The following GALNT14 variants were observed in gnomAD, a reference collection of about 807,000 sequenced individuals.
The protein encoded by GALNT14 is UDP-GalNAc:polypeptide N-acetylgalactosaminyltransferase 14.
A neutral mutation model predicts 77.5 loss-of-function variants in GALNT14; 60 were observed. That is an observed-to-expected ratio of 0.77 (90% CI 0.63 to 0.96). GALNT14 has a LOEUF of 0.96. GALNT14 is among the 40% of genes least tolerant of loss of function. The pLI is 0.00. For missense variants in GALNT14, 710 were observed against 731.0 expected, an observed-to-expected ratio of 0.97 and a Z score of 0.33; for synonymous variants, 280 against 281.7, an observed-to-expected ratio of 0.99 and a Z score of 0.06.
chr2:30,978,056 C>T (rs948347451), intron 2 of GALNT14, among the ~76,000 whole-genome samples: 3 of 152,212 alleles, frequency 2.0e-5, no homozygotes, highest in African/African-American at 4.8e-5. Flanking sequence ...GTTAAACCTT[C>T]ACCAGCATCT....
chr2:31,100,133 G>A (rs1314747835), intron 1 of GALNT14, among the ~76,000 whole-genome samples: 1 of 151,726 alleles, frequency 6.6e-6, no homozygotes, highest in Non-Finnish European at 1.5e-5. Context: ...TGTAAGTGAT[G>A]GCTCTTCCTC....
At chr2:31,087,114 A>G (rs888133253) in intron 1 of GALNT14, among the ~76,000 whole-genome samples, 2 of 152,194 alleles carry the variant, frequency 1.3e-5, no homozygotes, top group African/African-American at 4.8e-5. Context: ...GGCACCAGCC[A>G]TAAGAAAGGG....
At chr2:30,927,844 G>C (rs941919123) in intron 11 of GALNT14, among the ~76,000 whole-genome samples, 1 of 152,120 alleles carries the variant, frequency 6.6e-6, no homozygotes, top group African/African-American at 2.4e-5. Flanking sequence ...TGACGACCAC[G>C]GTGTATTATT....
intron 6 of GALNT14, among the ~76,000 whole-genome samples, chr2:30,955,250 T>C (rs1271341414): frequency 1.3e-5 from 2 of 152,186 alleles, no homozygotes; most frequent in Non-Finnish European, 2.9e-5. Flanking sequence ...TGCTGCCTCC[T>C]TTCTACAAAA....
At chr2:31,048,689 C>G (rs775036850) in intron 1 of GALNT14, among the ~76,000 whole-genome samples, 105 of 150,900 alleles carry the variant, frequency 7.0e-4, no homozygotes, top group Non-Finnish European at 1.3e-3. Flanking sequence ...GCTGAGCTGC[C>G]CATCAGAACC....
intron 1 of GALNT14, among the ~76,000 whole-genome samples, chr2:31,081,244 GC>G (rs1417562956): frequency 6.6e-6 from 1 of 152,208 alleles, no homozygotes; most frequent in Non-Finnish European, 1.5e-5. Flanking sequence ...CATACCAATA[GC>G]CGGCAGAAGT....
intron 1 of GALNT14, among the ~76,000 whole-genome samples, chr2:31,121,008 T>C (rs1678384511): frequency 6.6e-6 from 1 of 152,234 alleles, no homozygotes; most frequent in South Asian, 2.1e-4. Flanking sequence ...AAATAACATC[T>C]GCAAATCTGC....
intron 1 of GALNT14, among the ~76,000 whole-genome samples, chr2:31,013,714 G>A (rs1671177343): frequency 6.6e-6 from 1 of 152,148 alleles, no homozygotes; most frequent in Non-Finnish European, 1.5e-5. Flanking sequence ...TCTGGCCCAT[G>A]CTCTTTCTGT....
At chr2:31,109,995 A>G (rs750446339) in intron 1 of GALNT14, among the ~76,000 whole-genome samples, 4 of 152,056 alleles carry the variant, frequency 2.6e-5, no homozygotes, top group Non-Finnish European at 5.9e-5. Context: ...CACAGTCCCC[A>G]CTCTCTGCTG....
In GALNT14 at chr2:31,119,931, C is replaced by T. The variant is rs957896884; in HGVS notation, c.129+18027G>A. On this transcript the variant is annotated intron_variant, in intron 1 of 14. Transcript: ENST00000349752. ...CAGCACTTTGGGAGGCCGAGGCGGG[C>T]GGATCACGAGGTCAGGAGATCGAGA... 8.0e-5 allele frequency among the ~76,000 whole-genome samples: 6 copies of T among 75,030 alleles called. 1 individual carries two copies. Among genetic ancestry groups the T allele is most frequent in the East Asian group, 3.0e-4 (1 of 3,352 alleles). The allele number at this position is 75,030 out of a possible 152,430, so 49.2% of individuals were successfully genotyped here.
At chr2:31,063,394 C>A (rs1674727754) in intron 1 of GALNT14, among the ~76,000 whole-genome samples, 1 of 151,976 alleles carries the variant, frequency 6.6e-6, no homozygotes, top group Non-Finnish European at 1.5e-5. Flanking sequence ...ATTTACGTGG[C>A]CTCTATTCTG....
chr2:31,127,289 C>T (rs779942972), intron 1 of GALNT14, among the ~76,000 whole-genome samples: 14 of 152,248 alleles, frequency 9.2e-5, no homozygotes, highest in East Asian at 1.9e-4. Context: ...ACACAGCCTG[C>T]GGGTCAAATC....
chr2:30,984,491 A>G (rs1428259092), intron 2 of GALNT14, among the ~76,000 whole-genome samples: 1 of 152,230 alleles, frequency 6.6e-6, no homozygotes, highest in African/African-American at 2.4e-5. Flanking sequence ...TCCAGGGTTT[A>G]CTGAATAAAC....
chr2:31,061,956 A>G (rs1163856569), intron 1 of GALNT14, among the ~76,000 whole-genome samples: 1 of 152,216 alleles, frequency 6.6e-6, no homozygotes, highest in Non-Finnish European at 1.5e-5. Flanking sequence ...CACAGTTTAC[A>G]TGTATTCATA....
Position 30,944,141 on chromosome 2 carries a change from C to T in GALNT14, c.827+717G>A, listed in dbSNP as rs762504673. Among the ~76,000 whole-genome samples the T allele has an allele frequency of 5.3e-5, 8 of 152,246 alleles. No individual in the cohort carries two copies. In the East Asian group the frequency reaches 7.7e-4, roughly 15 times the overall value. On this transcript the variant is annotated intron_variant, in intron 8 of 14. Transcript: ENST00000349752. ...TTAGCTTAAGTATTCCCAAGAGGCC[C>T]GGGACTGGTTTACTGTCCAGTAGGT...
At chr2:31,089,517 C>T (rs986856523) in intron 1 of GALNT14, among the ~76,000 whole-genome samples, 5 of 152,064 alleles carry the variant, frequency 3.3e-5, no homozygotes, top group African/African-American at 1.2e-4. Context: ...GAGACGGACA[C>T]GTTTTCTGGT....
intron 1 of GALNT14, among the ~76,000 whole-genome samples, chr2:31,105,600 C>T (rs1477050597): frequency 2.0e-5 from 3 of 152,118 alleles, no homozygotes; most frequent in Non-Finnish European, 4.4e-5. Flanking sequence ...GTGGCCCATG[C>T]CTGTAATCCC....
intron 1 of GALNT14, among the ~76,000 whole-genome samples, chr2:31,026,971 A>G (rs923390772): frequency 4.6e-5 from 7 of 152,222 alleles, no homozygotes; most frequent in Admixed American, 3.9e-4. Context: ...TTATGAATGA[A>G]ACTCCTTTTT....
intron 13 of GALNT14, among the ~76,000 whole-genome samples, chr2:30,923,047 C>A (rs1665128371): frequency 2.1e-5 from 3 of 145,066 alleles, no homozygotes; most frequent in Non-Finnish European, 3.0e-5. Context: ...AAGCCATAGA[C>A]AAACGTGCCT....
Sources: gnomAD v4.1 joint callset for allele counts (sites outside exome capture counted in the v4.1 genomes callset) on GRCh38, gnomAD v4.1.1 for gene constraint, MANE v1.5 for transcripts, NCBI Gene and HGNC (gene_info 2026-07-23, HGNC 2026-07-21) for gene names.